Variants in APBA2 observed in about 807,000 individuals in gnomAD.
APBA2 encodes amyloid beta precursor protein binding family A member 2.
In APBA2, 30 loss-of-function variants were observed where a neutral mutation model predicts 75.0. That is an observed-to-expected ratio of 0.40 (90% CI 0.30 to 0.54). The LOEUF is 0.54. Ranked by LOEUF, APBA2 falls within the 20% of genes least tolerant of loss-of-function variation. The pLI, the probability that APBA2 is intolerant of heterozygous loss-of-function variation, is 0.49. For synonymous variants in APBA2, 444 were observed against 409.6 expected, an observed-to-expected ratio of 1.08 and a Z score of -1.01; for missense variants, 801 against 1,016.1, an observed-to-expected ratio of 0.79 and a Z score of 2.88.
intron 3 of APBA2, among the ~76,000 whole-genome samples, chr15:29,008,403 T>C (rs1052630778): frequency 6.6e-6 from 1 of 152,176 alleles, no homozygotes; most frequent in Non-Finnish European, 1.5e-5. Flanking sequence ...TTACGTGTAT[T>C]TTACCACAAT....
intron 2 of APBA2, among the ~76,000 whole-genome samples, chr15:28,932,428 T>A (rs2034612206): frequency 6.6e-6 from 1 of 152,198 alleles, no homozygotes; most frequent in African/African-American, 2.4e-5. Flanking sequence ...TCTGAGCACA[T>A]GCAGGATGTG....
intron 1 of APBA2, among the ~76,000 whole-genome samples, chr15:28,896,129 G>T (rs1203421147): frequency 2.0e-5 from 3 of 152,132 alleles, no homozygotes; most frequent in Admixed American, 2.0e-4. Context: ...TATCTGATTT[G>T]AAGGAGAGGG....
chr15:28,914,553 A>G (rs2033577694), intron 1 of APBA2, among the ~76,000 whole-genome samples: 1 of 152,010 alleles, frequency 6.6e-6, no homozygotes, highest in Non-Finnish European at 1.5e-5. Context: ...CTGTGCTACA[A>G]GCTGCTCCTC....
At chr15:28,898,045 A>G (rs887123086) in intron 1 of APBA2, among the ~76,000 whole-genome samples, 20 of 152,204 alleles carry the variant, frequency 1.3e-4, no homozygotes, top group African/African-American at 4.1e-4. Context: ...TGATGCGGCC[A>G]CAGCTCAGGG....
At chr15:28,997,322 G>T (rs2038581646) in intron 3 of APBA2, among the ~76,000 whole-genome samples, 2 of 152,214 alleles carry the variant, frequency 1.3e-5, no homozygotes, top group Non-Finnish European at 1.5e-5. Context: ...ATAAGCTGGA[G>T]TGTTTACTGA....
intron 8 of APBA2, among the ~76,000 whole-genome samples, chr15:29,096,555 G>A (rs1200564598): frequency 2.0e-5 from 3 of 152,198 alleles, no homozygotes; most frequent in South Asian, 4.1e-4. Flanking sequence ...GTTCCTCCGC[G>A]GCTGCGGATT....
intron 2 of APBA2, among the ~76,000 whole-genome samples, chr15:28,952,374 T>C (rs921946771): frequency 6.6e-6 from 1 of 151,110 alleles, no homozygotes; most frequent in African/African-American, 2.4e-5. Flanking sequence ...TACAAAAAAA[T>C]TAAAAAAAAA....
At chr15:28,973,968 A>G (rs17748495) in intron 2 of APBA2, among the ~76,000 whole-genome samples, 19,940 of 152,238 alleles carry the variant, frequency 0.13, 1,855 homozygotes, top group East Asian at 0.44. Flanking sequence ...ATAACACTAA[A>G]GAATAGAACT....
At chr15:29,108,497 TG>T in intron 13 of APBA2, 108 bp downstream of exon 13, 2 of 1,565,534 alleles carry the variant, frequency 1.3e-6, no homozygotes, top group Non-Finnish European at 1.7e-6. Context: ...TGGTAGGACC[TG>T]GCCTGTGGTT....
intron 2 of APBA2, among the ~76,000 whole-genome samples, chr15:28,956,803 T>G (rs1166544872): frequency 6.6e-6 from 1 of 152,170 alleles, no homozygotes; most frequent in Non-Finnish European, 1.5e-5. Context: ...AGGTGCCTCG[T>G]ATGAGAGCAA....
At chr15:29,007,740 G>A (rs569621705) in intron 3 of APBA2, among the ~76,000 whole-genome samples, 34 of 152,286 alleles carry the variant, frequency 2.2e-4, no homozygotes, top group African/African-American at 7.5e-4. Flanking sequence ...GTGTCTGTGA[G>A]GATGTGGCAG....
At position 29,117,719 on chromosome 15, in the gene APBA2, T is replaced by G. The variant is rs994094510; in HGVS notation, c.*586T>G. On this transcript the variant is annotated 3_prime_UTR_variant, in exon 15 of 15. Transcript: ENST00000683413. Reference sequence around the variant, plus strand: ...AGGATGATGGCCACAACATGAAAACTCCATATTTATTTAGATGCTATTATT... The same window carrying G: ...AGGATGATGGCCACAACATGAAAACGCCATATTTATTTAGATGCTATTATT... 1 of 156,302 alleles carries G rather than the reference T, an allele frequency of 6.4e-6. No homozygotes were observed. Among genetic ancestry groups the G allele is most frequent in the African/African-American group, 2.4e-5 (1 of 41,298 alleles). The allele number at this position is 156,302 out of a possible 1,614,324, so 9.7% of individuals were successfully genotyped here.
intron 2 of APBA2, among the ~76,000 whole-genome samples, chr15:28,950,543 C>T (rs1252707324): frequency 2.0e-4 from 30 of 151,680 alleles, no homozygotes; most frequent in Admixed American, 1.6e-3. Context: ...AGGAGAATGG[C>T]GTGAACCCAG....
At chr15:28,897,984 C>T (rs558000246) in intron 1 of APBA2, among the ~76,000 whole-genome samples, 1 of 152,196 alleles carries the variant, frequency 6.6e-6, no homozygotes, top group African/African-American at 2.4e-5. Context: ...CCTCAAGGAT[C>T]GTATAAGAGA....
At chr15:29,017,771 GCT>G (rs1386882883) in intron 3 of APBA2, among the ~76,000 whole-genome samples, 5 of 152,244 alleles carry the variant, frequency 3.3e-5, no homozygotes, top group East Asian at 3.9e-4. Context: ...CTCTCTGAGG[GCT>G]CTTTCTATTC....
intron 10 of APBA2, chr15:29,102,206 A>C: frequency 3.5e-6 from 1 of 282,748 alleles, no homozygotes; most frequent in Non-Finnish European, 6.8e-6. Flanking sequence ...TCTTCAGAGG[A>C]AGTAAAAAGT....
chr15:29,071,193 A>T (rs994586263), intron 4 of APBA2: 28 of 378,464 alleles, frequency 7.4e-5, no homozygotes, highest in South Asian at 5.5e-4. Flanking sequence ...ATGAGAATTG[A>T]CACTTTTTAA....
chr15:28,968,240 GA>G lies in APBA2; in HGVS notation c.-94-27512del, dbSNP rs1238989938. Among the ~76,000 whole-genome samples, 6 of 152,354 alleles carry G rather than the reference GA, an allele frequency of 3.9e-5. No individual in the cohort carries two copies. The East Asian group carries it at 7.7e-4, about 20-fold the overall frequency. ...TGGGGACTGTGAATAATGTTGCTAT[GA>G]GCATGAGTGTGCAAATAATCTCTTG... On this transcript the variant is annotated intron_variant, in intron 2 of 14. Coordinates refer to ENST00000683413, the MANE Select transcript of APBA2 (RefSeq NM_001353788.2).
intron 4 of APBA2, among the ~76,000 whole-genome samples, chr15:29,061,632 A>T (rs2042133593): frequency 6.6e-6 from 1 of 152,238 alleles, no homozygotes; most frequent in Non-Finnish European, 1.5e-5. Flanking sequence ...ATCATTGCTC[A>T]TTGTAGAGAT....
Sources: allele counts gnomAD v4.1 joint callset (sites outside exome capture counted in the v4.1 genomes callset), GRCh38; gene constraint gnomAD v4.1.1; transcripts MANE v1.5; gene names NCBI Gene and HGNC (gene_info 2026-07-23, HGNC 2026-07-21).